Variants in PDGFD observed in about 807,000 individuals in gnomAD.
PDGFD encodes the protein platelet-derived growth factor D.
A neutral mutation model predicts 44.7 loss-of-function variants in PDGFD; 30 were observed. The ratio of observed to expected loss-of-function variants is 0.67; its 90% CI spans 0.50 to 0.91. PDGFD has a LOEUF of 0.91. Ranked by LOEUF, PDGFD falls within the 40% of genes least tolerant of loss-of-function variation. The pLI is 0.00. For synonymous variants in PDGFD, 173 were observed against 168.4 expected (o/e 1.03, Z -0.21); for missense variants, 445 against 457.8 (o/e 0.97, Z 0.25).
At chr11:104,072,006 C>T (rs1394237678) in intron 1 of PDGFD, among the ~76,000 whole-genome samples, 1 of 151,638 alleles carries the variant, frequency 6.6e-6, no homozygotes, top group Non-Finnish European at 1.5e-5. Flanking sequence ...ATTTTAATGT[C>T]TGGCAGGGAT....
chr11:103,981,730 G>C (rs1859275892), intron 3 of PDGFD, among the ~76,000 whole-genome samples: 1 of 151,708 alleles, frequency 6.6e-6, no homozygotes, highest in Non-Finnish European at 1.5e-5. Flanking sequence ...TGAAAACCTG[G>C]AAAGCTCTTG....
chr11:104,142,259 ATGTG>A (rs1315480952), intron 1 of PDGFD, among the ~76,000 whole-genome samples: 12 of 152,110 alleles, frequency 7.9e-5, no homozygotes, highest in East Asian at 1.9e-4. Context: ...CTATATAAAT[ATGTG>A]TGTGTGTATT....
intron 1 of PDGFD, among the ~76,000 whole-genome samples, chr11:104,042,314 T>C (rs1266975485): frequency 6.6e-6 from 1 of 152,228 alleles, no homozygotes; most frequent in East Asian, 1.9e-4. Flanking sequence ...TCCCAGCTTC[T>C]TTCCACACCT....
At chr11:104,052,458 T>C (rs564860110) in intron 1 of PDGFD, among the ~76,000 whole-genome samples, 2 of 152,318 alleles carry the variant, frequency 1.3e-5, no homozygotes, top group South Asian at 4.1e-4. Flanking sequence ...AAGTGACATT[T>C]AGATATTCAC....
intron 3 of PDGFD, among the ~76,000 whole-genome samples, chr11:103,984,475 T>C (rs957582863): frequency 1.3e-5 from 2 of 151,600 alleles, no homozygotes; most frequent in South Asian, 2.1e-4. Flanking sequence ...GCTTAATACC[T>C]GGGTGATTAA....
At chr11:104,090,007 A>T (rs978847801) in intron 1 of PDGFD, among the ~76,000 whole-genome samples, 1 of 152,202 alleles carries the variant, frequency 6.6e-6, no homozygotes, top group African/African-American at 2.4e-5. Flanking sequence ...CAATTAATGG[A>T]GATCAACAAT....
At chr11:103,922,518 GC>G (rs1328476959) in intron 6 of PDGFD, among the ~76,000 whole-genome samples, 1 of 150,992 alleles carries the variant, frequency 6.6e-6, no homozygotes, top group African/African-American at 2.4e-5. Flanking sequence ...TGCGAGAGGT[GC>G]CCCTGTTATA....
At chr11:104,118,822 T>TGA (rs1565340167) in intron 1 of PDGFD, among the ~76,000 whole-genome samples, 1 of 42,096 alleles carries the variant, frequency 2.4e-5, no homozygotes, top group African/African-American at 8.4e-5. Flanking sequence ...ATATTATATA[T>TGA]TATAAATATT....
At chr11:104,113,110 A>G (rs950810033) in intron 1 of PDGFD, among the ~76,000 whole-genome samples, 2 of 152,202 alleles carry the variant, frequency 1.3e-5, no homozygotes, top group Non-Finnish European at 2.9e-5. Flanking sequence ...GATATTTTTT[A>G]GAAGAGGCCA....
intron 3 of PDGFD, among the ~76,000 whole-genome samples, chr11:103,981,446 A>T (rs1361441141): frequency 6.6e-6 from 1 of 151,802 alleles, no homozygotes; most frequent in Non-Finnish European, 1.5e-5. Flanking sequence ...GAAGACATTT[A>T]ATGGTAATAG....
intron 5 of PDGFD, among the ~76,000 whole-genome samples, chr11:103,929,416 C>G (rs1858367414): frequency 6.6e-6 from 1 of 152,154 alleles, no homozygotes; most frequent in South Asian, 2.1e-4. Context: ...GTACAGCATG[C>G]CTTCCCTATA....
At chr11:104,052,372 G>C (rs1029147783) in intron 1 of PDGFD, among the ~76,000 whole-genome samples, 5 of 151,974 alleles carry the variant, frequency 3.3e-5, no homozygotes, top group African/African-American at 1.2e-4. Context: ...GCAGTAAAAA[G>C]CTTATTTTAT....
chr11:104,050,430 C>A (rs575317478), intron 1 of PDGFD, among the ~76,000 whole-genome samples: 2 of 152,072 alleles, frequency 1.3e-5, no homozygotes, highest in Non-Finnish European at 2.9e-5. Flanking sequence ...AGGCCAGTCC[C>A]GAGGGCCCGC....
intron 3 of PDGFD, among the ~76,000 whole-genome samples, chr11:103,975,419 A>T (rs570662948): frequency 2.4e-4 from 37 of 151,978 alleles, no homozygotes; most frequent in African/African-American, 8.4e-4. Flanking sequence ...AAATTGCAAA[A>T]TTTTTCTCCC....
At chr11:104,007,704 C>T (rs141677270) in intron 1 of PDGFD, among the ~76,000 whole-genome samples, 1 of 152,128 alleles carries the variant, frequency 6.6e-6, no homozygotes, top group Non-Finnish European at 1.5e-5. Flanking sequence ...ACAAAAAGAT[C>T]TTTTTAACAA....
intron 1 of PDGFD, among the ~76,000 whole-genome samples, chr11:104,028,191 GAAAAA>G (rs36060540): frequency 8.6e-6 from 1 of 116,152 alleles, no homozygotes; most frequent in African/African-American, 3.3e-5. Context: ...CTCCGTCAAA[GAAAAA>G]AAAAAAAAAA....
intron 2 of PDGFD, among the ~76,000 whole-genome samples, chr11:103,996,684 A>C (rs1425490881): frequency 5.3e-5 from 8 of 152,224 alleles, no homozygotes; most frequent in Admixed American, 5.2e-4. Context: ...TGAGAAAGTA[A>C]ATGACCTATA....
chr11:103,936,976 G>A (rs1341044513), intron 5 of PDGFD, among the ~76,000 whole-genome samples: 1 of 151,554 alleles, frequency 6.6e-6, no homozygotes, highest in Non-Finnish European at 1.5e-5. Flanking sequence ...ACAGGTATAT[G>A]CTTCACGCGT....
chr11:103,983,423 G>A (rs1350705335), intron 3 of PDGFD, among the ~76,000 whole-genome samples: 5 of 150,858 alleles, frequency 3.3e-5, no homozygotes, highest in Non-Finnish European at 7.4e-5. Context: ...ATTAACTCAC[G>A]ATGGATTAAT....
Sources: allele counts gnomAD v4.1 joint callset (sites outside exome capture counted in the v4.1 genomes callset), GRCh38; gene constraint gnomAD v4.1.1; transcripts MANE v1.5; gene names NCBI Gene and HGNC (gene_info 2026-07-23, HGNC 2026-07-21).